Variants in INSL6 observed in about 807,000 individuals in gnomAD.
INSL6 encodes the protein insulin like 6, also known as insulin-like peptide INSL6.
Under a neutral mutation model 9.4 loss-of-function variants are expected in INSL6, and 16 were observed. That is an observed-to-expected ratio of 1.70 (90% CI 1.15 to 2.59). INSL6 has a LOEUF of 2.59. Ranked by LOEUF, INSL6 falls within the 30% of genes most tolerant of loss-of-function variation. The probability of loss-of-function intolerance (pLI) is 0.00; values close to 1 mark genes in which losing one functional copy is unlikely to be tolerated. For synonymous variants in INSL6, 154 were observed against 96.9 expected (o/e 1.59, Z -3.46); for missense variants, 391 against 257.3 (o/e 1.52, Z -3.56).
downstream of INSL6, among the ~76,000 whole-genome samples, chr9:5,163,199 A>G (rs956101111): frequency 5.3e-5 from 8 of 152,160 alleles, no homozygotes; most frequent in African/African-American, 1.7e-4. Flanking sequence ...TTAGAACTGC[A>G]TTTCTAACAA....
the INSL6 span, among the ~76,000 whole-genome samples, chr9:5,000,264 A>C: frequency 1.3e-5 from 2 of 152,154 alleles, no homozygotes; most frequent in Non-Finnish European, 2.9e-5. Context: ...AAGGAGGTAC[A>C]TAATGTGACA....
the INSL6 span, chr9:5,041,168 C>T: frequency 4.0e-6 from 5 of 1,250,432 alleles, no homozygotes; most frequent in Non-Finnish European, 3.4e-6. Flanking sequence ...GGATTATGTG[C>T]ACACCAAGAA....
chr9:5,073,818 C>CT, the INSL6 span: 1 of 1,309,642 alleles, frequency 7.6e-7, no homozygotes, highest in Non-Finnish European at 1.1e-6. Context: ...TAATGCCTTT[C>CT]TCAGAGCATC....
intron 1 of INSL6, among the ~76,000 whole-genome samples, chr9:5,178,353 C>T (rs963888948): frequency 6.6e-6 from 1 of 152,166 alleles, no homozygotes; most frequent in Admixed American, 6.5e-5. Flanking sequence ...GCTGTTCCAG[C>T]TTGCTGGTTG....
intron 3 of INSL6, among the ~76,000 whole-genome samples, chr9:5,129,621 C>A (rs1408670357): frequency 6.6e-6 from 1 of 151,914 alleles, no homozygotes; most frequent in Non-Finnish European, 1.5e-5. Flanking sequence ...ATGAGATAAG[C>A]TTGATTTAAG....
At chr9:4,997,171 A>G in the INSL6 span, among the ~76,000 whole-genome samples, 3 of 151,986 alleles carry the variant, frequency 2.0e-5, no homozygotes, top group Non-Finnish European at 2.9e-5. Context: ...GGCTCCAGCA[A>G]TCTTTCTGCA....
chr9:5,014,476 C>T, the INSL6 span, among the ~76,000 whole-genome samples: 2 of 152,272 alleles, frequency 1.3e-5, no homozygotes, highest in African/African-American at 4.8e-5. Context: ...AAGAAACTTT[C>T]ATTCTAGTGG....
the INSL6 span, among the ~76,000 whole-genome samples, chr9:5,001,392 A>G: frequency 2.6e-5 from 4 of 152,142 alleles, no homozygotes; most frequent in African/African-American, 4.8e-5. Flanking sequence ...AAATTTTATC[A>G]TGAATTGGTG....
chr9:5,131,377 G>T (rs539260835), intron 3 of INSL6, among the ~76,000 whole-genome samples: 3 of 149,012 alleles, frequency 2.0e-5, no homozygotes, highest in African/African-American at 5.0e-5. Flanking sequence ...CAGAATCAAA[G>T]ACTTCATCTT....
At chr9:5,069,198 A>G in the INSL6 span, 1 of 1,600,114 alleles carries the variant, frequency 6.2e-7, no homozygotes, top group Non-Finnish European at 8.5e-7. Context: ...GCTGTCCCCC[A>G]AAGCCAAAAG....
intron 2 of INSL6, among the ~76,000 whole-genome samples, chr9:5,145,380 G>A (rs1208791979): frequency 6.6e-6 from 1 of 152,078 alleles, no homozygotes; most frequent in Non-Finnish European, 1.5e-5. Context: ...CTCTCTAGCT[G>A]CCTTTAATAT....
At chr9:5,030,920 G>C in the INSL6 span, among the ~76,000 whole-genome samples, 1 of 151,976 alleles carries the variant, frequency 6.6e-6, no homozygotes, top group South Asian at 2.1e-4. Flanking sequence ...AATAATAGAT[G>C]TACAAAAATC....
chr9:5,037,649 T>C, the INSL6 span, among the ~76,000 whole-genome samples: 5 of 152,054 alleles, frequency 3.3e-5, no homozygotes, highest in African/African-American at 1.2e-4. Flanking sequence ...TAGGTGGGAA[T>C]TGAACAATGA....
At chr9:5,121,367 C>G (rs927076071), downstream of INSL6, among the ~76,000 whole-genome samples, 3 of 152,192 alleles carry the variant, frequency 2.0e-5, no homozygotes, top group African/African-American at 7.2e-5. Context: ...GAAGACTTGA[C>G]AGCACTATTT....
intron 2 of INSL6, among the ~76,000 whole-genome samples, chr9:5,149,033 C>T (rs1824658857): frequency 6.6e-6 from 1 of 152,224 alleles, no homozygotes. Flanking sequence ...GGAGTAGGCA[C>T]TTATGGCCAG....
At chr9:5,127,676 T>TAACA in intron 3 of INSL6, 1 of 232,254 alleles carries the variant, frequency 4.3e-6, no homozygotes, top group South Asian at 1.8e-4. Flanking sequence ...TGACTGCCAA[T>TAACA]AACATTCTTC....
chr9:5,058,538 G>A, the INSL6 span, among the ~76,000 whole-genome samples: 1 of 152,178 alleles, frequency 6.6e-6, no homozygotes, highest in South Asian at 2.1e-4. Flanking sequence ...TGAGAGTTGG[G>A]TGGGGACGCA....
the INSL6 span, chr9:5,054,981 T>G: frequency 1.4e-5 from 12 of 854,590 alleles, no homozygotes; most frequent in African/African-American, 1.2e-4. The surrounding 1 kb of genome is among the most constrained non-coding windows in gnomAD (Gnocchi z 4.9). Flanking sequence ...GTATTGCACT[T>G]CTCCCATTTG....
the INSL6 span, among the ~76,000 whole-genome samples, chr9:5,011,320 G>A: frequency 6.6e-6 from 1 of 151,988 alleles, no homozygotes; most frequent in Non-Finnish European, 1.5e-5. Flanking sequence ...CAAGTAGCTG[G>A]GACTACGGGC....
Sources: allele counts gnomAD v4.1 joint callset (sites outside exome capture counted in the v4.1 genomes callset), GRCh38; gene constraint gnomAD v4.1.1; non-coding constraint Gnocchi (gnomAD v3.1); transcripts MANE v1.5; gene names NCBI Gene and HGNC (gene_info 2026-07-23, HGNC 2026-07-21).